KIFC3: variants seen among roughly 807,000 people sequenced by gnomAD.
The protein encoded by KIFC3 is kinesin-like protein KIFC3.
In KIFC3, 60 loss-of-function variants were observed where a neutral mutation model predicts 101.8. That is an observed-to-expected ratio of 0.59 (90% CI 0.48 to 0.73). KIFC3 has a LOEUF of 0.73. Ranked by LOEUF, KIFC3 falls within the 30% of genes least tolerant of loss-of-function variation. The probability of loss-of-function intolerance (pLI) is 0.00; values close to 1 mark genes in which losing one functional copy is unlikely to be tolerated. For missense variants in KIFC3, 966 were observed against 1,137.1 expected, an observed-to-expected ratio of 0.85 and a Z score of 2.16; for synonymous variants, 476 against 482.7, an observed-to-expected ratio of 0.99 and a Z score of 0.18.
chr16:57,807,228 A>C (rs1354848776), upstream of KIFC3, among the ~76,000 whole-genome samples: 1 of 151,782 alleles, frequency 6.6e-6, no homozygotes, highest in African/African-American at 2.4e-5. Flanking sequence ...AAAAAGAAAA[A>C]AAAAAACCCC....
In KIFC3 at chr16:57,834,007, C is replaced by T. The variant is rs557822759; in HGVS notation, c.108+28722G>A. Among the ~76,000 whole-genome samples, 9 of 151,572 alleles carry T rather than the reference C, an allele frequency of 5.9e-5. No individual in the cohort carries two copies. The South Asian group carries it at 6.3e-4, about 11-fold the overall frequency. On this transcript the variant is annotated intron_variant, in intron 1 of 2. Coordinates refer to the KIFC3 transcript ENST00000563028. The stretch of plus-strand genomic sequence containing the variant: ...CCTCCTGAGTAGCTGGGATTACAGG[C>T]GCGTGCCACCACGCCCGGCTACTTT...
At chr16:57,811,461 G>A (rs769056226) in intron 1 of KIFC3, among the ~76,000 whole-genome samples, 1 of 152,158 alleles carries the variant, frequency 6.6e-6, no homozygotes, top group African/African-American at 2.4e-5. Flanking sequence ...GATGGCTCAC[G>A]CCTATAATCT....
Position 57,770,573 on chromosome 16 carries a change from T to C in KIFC3, c.893A>G (p.Gln298Arg). 6.6e-7 allele frequency: 1 copy of C among 1,512,368 alleles called. No homozygotes were observed. The highest frequency in any genetic ancestry group is 8.9e-7 in the Non-Finnish European group (1 of 1,129,780). 93.7% of individuals were successfully genotyped at this position (1,512,368 alleles called of 1,614,324 possible). Reference sequence around the variant, plus strand: ...CAGCTGGTGTGAGCTCTGCAGCTGCTGTTCCATCTCCTTCAGCACCTGCCT... The same window carrying C: ...CAGCTGGTGTGAGCTCTGCAGCTGCCGTTCCATCTCCTTCAGCACCTGCCT... ...MQRQVLKEME[Q>R]QLQSSHQLTA... Residue 298 changes from glutamine (Q) to arginine (R), a missense_variant, in exon 7 of 20, where the codon CAG (glutamine) becomes CGG (arginine). Physicochemically the swap from Gln to Arg is conservative, Grantham distance 43 (BLOSUM62 1). Transcript: ENST00000445690.
At chr16:57,829,981 G>T (rs2055540254) in intron 1 of KIFC3, among the ~76,000 whole-genome samples, 1 of 152,210 alleles carries the variant, frequency 6.6e-6, no homozygotes. Context: ...CCTCAACTGG[G>T]AGAGGCAAGA....
At chr16:57,804,524 T>G (rs2054888602), upstream of KIFC3, among the ~76,000 whole-genome samples, 1 of 152,100 alleles carries the variant, frequency 6.6e-6, no homozygotes, top group Non-Finnish European at 1.5e-5. Context: ...GAAATTGAAG[T>G]GTAAGGAGGT....
intron 1 of KIFC3, among the ~76,000 whole-genome samples, chr16:57,826,541 C>T (rs77390471): frequency 0.014 from 2,153 of 152,184 alleles, 51 homozygotes; most frequent in African/African-American, 0.049. Flanking sequence ...GAAAATTTCA[C>T]GTAAAATACC....
At chr16:57,843,300 A>G (rs956788520) in intron 1 of KIFC3, among the ~76,000 whole-genome samples, 8 of 152,224 alleles carry the variant, frequency 5.3e-5, no homozygotes, top group Non-Finnish European at 8.8e-5. Context: ...TTCAACCATG[A>G]GACAGTCAGA....
intron 1 of KIFC3, among the ~76,000 whole-genome samples, chr16:57,844,396 C>T (rs2055874241): frequency 6.9e-6 from 1 of 144,818 alleles, no homozygotes; most frequent in East Asian, 2.1e-4. Flanking sequence ...TGCCATTGCA[C>T]TTCAGCTTTG....
At chr16:57,843,915 C>A (rs1262920019) in intron 1 of KIFC3, among the ~76,000 whole-genome samples, 2 of 151,796 alleles carry the variant, frequency 1.3e-5, no homozygotes, top group Non-Finnish European at 2.9e-5. Context: ...CCAGACCAGC[C>A]TGGCCAACAT....
In KIFC3 at chr16:57,769,940, A is replaced by C; in HGVS notation, c.955T>G (p.Ser319Ala). The C allele has an allele frequency of 6.2e-7, 1 of 1,612,420 alleles. No individual in the cohort carries two copies. Among genetic ancestry groups the C allele is most frequent in the South Asian group, 1.1e-5 (1 of 91,068 alleles). The change falls in exon 8 of 20, where the codon TCA becomes GCA. Residue 319 changes from serine (S) to alanine (A), a missense_variant. Coordinates refer to ENST00000445690, the MANE Select transcript of KIFC3 (RefSeq NM_001130100.2). The surrounding 1 kb of genome is among the most constrained non-coding windows in gnomAD (Gnocchi z 4.3). ...TGCCCATGGGCCCGCTCCAGCTCTG[A>C]CTCGTACATGGCAATCTGGCCAGAC... ...RLRAQIAMYE[S>A]ELERAHGQML...
At chr16:57,860,108 A>G (rs576752962) in intron 1 of KIFC3, among the ~76,000 whole-genome samples, 47 of 150,892 alleles carry the variant, frequency 3.1e-4, no homozygotes, top group Non-Finnish European at 5.9e-4. Flanking sequence ...CAAGTGGGGC[A>G]GGTGAAGCTC....
chr16:57,784,761 T>G (rs1598067161), intron 3 of KIFC3, among the ~76,000 whole-genome samples: 1 of 146,604 alleles, frequency 6.8e-6, no homozygotes, highest in Non-Finnish European at 1.5e-5. Context: ...AGGATGAGAG[T>G]GGGGAAAGAG....
At chr16:57,818,272 C>A (rs535624608) in intron 1 of KIFC3, among the ~76,000 whole-genome samples, 1 of 152,068 alleles carries the variant, frequency 6.6e-6, no homozygotes, top group African/African-American at 2.4e-5. Flanking sequence ...TTCTTGCCAA[C>A]AAAACCTTGA....
chr16:57,763,570 T>G (rs1555599874), intron 12 of KIFC3, among the ~76,000 whole-genome samples: 1 of 151,964 alleles, frequency 6.6e-6, no homozygotes, highest in Non-Finnish European at 1.5e-5. Flanking sequence ...TCAAGATCCT[T>G]CCTAGTCTCA....
chr16:57,779,284 T>C (rs570565971), intron 3 of KIFC3: 1 of 152,338 alleles, frequency 6.6e-6, no homozygotes, highest in African/African-American at 2.4e-5. Context: ...GCATGCTACA[T>C]AGATGAACTT....
At chr16:57,805,368 T>C (rs1284302116), upstream of KIFC3, among the ~76,000 whole-genome samples, 1 of 152,208 alleles carries the variant, frequency 6.6e-6, no homozygotes, top group Non-Finnish European at 1.5e-5. Context: ...ACTTCGCTGA[T>C]GATTTGCATA....
chr16:57,798,641 A>G (rs1450938071), intron 1 of KIFC3: 4 of 341,102 alleles, frequency 1.2e-5, no homozygotes, highest in South Asian at 3.3e-5. Context: ...CCGTAAGTCT[A>G]ATCCTTTTCC....
In KIFC3 at chr16:57,787,135, T is replaced by C. The variant is rs1187588166; in HGVS notation, c.315+7864A>G. On this transcript the variant is annotated intron_variant, in intron 3 of 19. Transcript: ENST00000445690. ...TTCCAGGCCTGCACACGGGGCAGCA[T>C]GAGCAGCACGTGACCAGCGTGGCCC... Among the ~76,000 whole-genome samples the C allele has an allele frequency of 2.6e-5, 4 of 152,336 alleles. No individual in the cohort carries two copies. In the East Asian group the frequency reaches 5.8e-4, roughly 22 times the overall value.
At chr16:57,764,118 C>T (rs1168023436) in intron 12 of KIFC3, 25 bp downstream of exon 12, 4 of 1,543,112 alleles carry the variant, frequency 2.6e-6, no homozygotes, top group African/African-American at 1.4e-5. Context: ...CACTGTGAAC[C>T]CCCACCCCAT....
Sources: gnomAD v4.1 joint callset for allele counts (sites outside exome capture counted in the v4.1 genomes callset) on GRCh38, gnomAD v4.1.1 for gene constraint, Gnocchi (gnomAD v3.1) non-coding constraint, MANE v1.5 for transcripts, NCBI Gene and HGNC (gene_info 2026-07-23, HGNC 2026-07-21) for gene names.